Variants in ROCK2 observed in about 807,000 individuals in gnomAD.
ROCK2 encodes the protein rho-associated protein kinase 2.
A neutral mutation model predicts 195.1 loss-of-function variants in ROCK2; 61 were observed. The observed-to-expected ratio is 0.31, with a 90% CI of 0.25 to 0.39. The LOEUF is 0.39. ROCK2 is among the 10% of genes least tolerant of loss of function. The pLI, the probability that ROCK2 is intolerant of heterozygous loss-of-function variation, is 1.00. For synonymous variants in ROCK2, 504 were observed against 545.5 expected, an observed-to-expected ratio of 0.92 and a Z score of 1.06; for missense variants, 1,109 against 1,637.4, an observed-to-expected ratio of 0.68 and a Z score of 5.57.
In ROCK2 at chr2:11,214,473, G is replaced by C; in HGVS notation, c.1937-10C>G. Reference sequence around the variant, plus strand: ...AGGCCACATATTCTACCTAAAAATTGCAACGTTTTTTTAAAACATTAAACC... The same window carrying C: ...AGGCCACATATTCTACCTAAAAATTCCAACGTTTTTTTAAAACATTAAACC... On this transcript the variant is annotated splice_polypyrimidine_tract_variant and intron_variant, in intron 16 of 32. Transcript: ENST00000315872. 6.7e-7 allele frequency: 1 copy of C among 1,502,808 alleles called. No homozygotes were observed. Among genetic ancestry groups the C allele is most frequent in the East Asian group, 2.3e-5 (1 of 44,276 alleles). The allele number at this position is 1,502,808 out of a possible 1,614,324, so 93.1% of individuals were successfully genotyped here.
intron 3 of ROCK2, among the ~76,000 whole-genome samples, chr2:11,278,109 T>C (rs565932059): frequency 1.4e-4 from 21 of 152,356 alleles, no homozygotes; most frequent in Admixed American, 2.6e-4. Flanking sequence ...AGTTAAAATC[T>C]ATTCTTTTAG....
intron 4 of ROCK2, among the ~76,000 whole-genome samples, chr2:11,244,256 C>A (rs1665533931): frequency 1.3e-5 from 2 of 152,044 alleles, no homozygotes; most frequent in African/African-American, 4.8e-5. Flanking sequence ...TATGTAATAT[C>A]TTCAACTTTG....
At chr2:11,258,753 A>G (rs1038898927) in intron 3 of ROCK2, among the ~76,000 whole-genome samples, 2 of 151,132 alleles carry the variant, frequency 1.3e-5, no homozygotes, top group African/African-American at 4.9e-5. Context: ...AGTTGACTGG[A>G]GAAGGAGCTG....
chr2:11,332,436 A>G (rs1305074242), intron 1 of ROCK2, among the ~76,000 whole-genome samples: 1 of 152,194 alleles, frequency 6.6e-6, no homozygotes, highest in African/African-American at 2.4e-5. Flanking sequence ...ATAAAAACAA[A>G]AACAACTTAA....
At chr2:11,295,229 T>C (rs1019470889) in intron 1 of ROCK2, among the ~76,000 whole-genome samples, 3 of 152,160 alleles carry the variant, frequency 2.0e-5, no homozygotes, top group Non-Finnish European at 4.4e-5. Context: ...TACACACCTA[T>C]TATAAAATAT....
At chr2:11,263,507 C>T (rs550486782) in intron 3 of ROCK2, among the ~76,000 whole-genome samples, 18 of 151,782 alleles carry the variant, frequency 1.2e-4, no homozygotes, top group Non-Finnish European at 2.1e-4. Context: ...ATAATCTTCC[C>T]GATACAAGTG....
chr2:11,291,494 G>A (rs907719771), intron 1 of ROCK2, among the ~76,000 whole-genome samples: 13 of 152,020 alleles, frequency 8.6e-5, no homozygotes, highest in Admixed American at 1.3e-4. Flanking sequence ...AAGTTGCAGC[G>A]AGCGGAGGAT....
At chr2:11,330,541 A>G (rs962735136) in intron 1 of ROCK2, among the ~76,000 whole-genome samples, 1 of 152,182 alleles carries the variant, frequency 6.6e-6, no homozygotes, top group Non-Finnish European at 1.5e-5. Flanking sequence ...AAAGCTCATG[A>G]CAACTGTGCT....
chr2:11,297,026 G>A (rs1434163710), intron 1 of ROCK2, among the ~76,000 whole-genome samples: 3 of 152,078 alleles, frequency 2.0e-5, no homozygotes, highest in Non-Finnish European at 4.4e-5. Context: ...ACACAAAAGT[G>A]CTTGGAGCAA....
At chr2:11,329,410 T>C (rs1258380901) in intron 1 of ROCK2, among the ~76,000 whole-genome samples, 2 of 151,360 alleles carry the variant, frequency 1.3e-5, no homozygotes, top group East Asian at 1.9e-4. Flanking sequence ...ATTTACATTA[T>C]ATCATCCAGA....
chr2:11,249,860 T>A, intron 3 of ROCK2, 62 bp from the exon 4 acceptor site: 2 of 1,305,450 alleles, frequency 1.5e-6, no homozygotes, highest in Non-Finnish European at 2.0e-6. Context: ...GGTAAATAGA[T>A]GATACTATAA....
At chr2:11,196,763 C>T (rs553286706) in intron 27 of ROCK2, among the ~76,000 whole-genome samples, 8 of 152,116 alleles carry the variant, frequency 5.3e-5, no homozygotes, top group African/African-American at 1.9e-4. Context: ...AGTCAAGGAG[C>T]GTGTGAGAAC....
chr2:11,227,194 T>C (rs546824076), intron 6 of ROCK2, 60 bp downstream of exon 6: 4 of 1,438,046 alleles, frequency 2.8e-6, no homozygotes, highest in Non-Finnish European at 2.9e-6. Context: ...CTCAAATTCT[T>C]GACTGAAATA....
chr2:11,250,693 C>G (rs1013907739), intron 3 of ROCK2, among the ~76,000 whole-genome samples: 8 of 152,160 alleles, frequency 5.3e-5, no homozygotes, highest in African/African-American at 1.7e-4. Flanking sequence ...CTCTTTTTCT[C>G]TCAAACAACT....
intron 1 of ROCK2, among the ~76,000 whole-genome samples, chr2:11,293,710 A>G (rs1667428083): frequency 6.6e-6 from 1 of 152,182 alleles, no homozygotes; most frequent in Non-Finnish European, 1.5e-5. Flanking sequence ...AAAATATTAC[A>G]TTAAAATATC....
chr2:11,273,907 T>A (rs1320908109), intron 3 of ROCK2, among the ~76,000 whole-genome samples: 3 of 141,294 alleles, frequency 2.1e-5, no homozygotes, highest in African/African-American at 7.8e-5. Context: ...CTAACCTGGG[T>A]GACAGAGCAA....
In ROCK2 at chr2:11,344,531, C is replaced by G. The variant is rs923747914; in HGVS notation, c.-395G>C. On this transcript the variant is annotated 5_prime_UTR_variant, in exon 1 of 33. Coordinates refer to ENST00000315872, the MANE Select transcript of ROCK2 (RefSeq NM_004850.5). The surrounding 1 kb of genome is among the most constrained non-coding windows in gnomAD (Gnocchi z 5.4). Reference sequence around the variant, plus strand: ...GGCCCCGGGAGGCTGAAGCCCAGGCCTGGGCCACTACGGCCGCCGCCGGCC... The same window carrying G: ...GGCCCCGGGAGGCTGAAGCCCAGGCGTGGGCCACTACGGCCGCCGCCGGCC... 1 of 982,488 alleles carries G rather than the reference C, an allele frequency of 1.0e-6. No individual in the cohort carries two copies. Among genetic ancestry groups the G allele is most frequent in the African/African-American group, 1.8e-5 (1 of 56,974 alleles). 60.9% of individuals were successfully genotyped at this position (982,488 alleles called of 1,614,324 possible).
chr2:11,319,590 A>G (rs1358371213), intron 1 of ROCK2, among the ~76,000 whole-genome samples: 1 of 152,034 alleles, frequency 6.6e-6, no homozygotes, highest in Non-Finnish European at 1.5e-5. Context: ...AATACCCTTT[A>G]TTTCTTTCTC....
chr2:11,267,412 C>T (rs1666456311), intron 3 of ROCK2, among the ~76,000 whole-genome samples: 1 of 151,914 alleles, frequency 6.6e-6, no homozygotes, highest in African/African-American at 2.4e-5. Context: ...TATCTTTAGG[C>T]TCTTCTATAA....
Sources: allele counts gnomAD v4.1 joint callset (sites outside exome capture counted in the v4.1 genomes callset), GRCh38; gene constraint gnomAD v4.1.1; non-coding constraint Gnocchi (gnomAD v3.1); transcripts MANE v1.5; gene names NCBI Gene and HGNC (gene_info 2026-07-23, HGNC 2026-07-21).